CFAP157: variants seen among roughly 807,000 people sequenced by gnomAD.
The protein encoded by CFAP157 is cilia and flagella associated protein 157, also known as cilia- and flagella-associated protein 157.
Under a neutral mutation model 57.8 loss-of-function variants are expected in CFAP157, and 43 were observed. The observed-to-expected ratio is 0.74, with a 90% CI of 0.58 to 0.96. The LOEUF (loss-of-function observed/expected upper bound fraction) is 0.96, where lower values mean the gene tolerates loss of function less well. Ranked by LOEUF, CFAP157 falls within the 40% of genes least tolerant of loss-of-function variation. The pLI, the probability that CFAP157 is intolerant of heterozygous loss-of-function variation, is 0.00. For missense variants in CFAP157, 606 were observed against 655.3 expected, an observed-to-expected ratio of 0.92 and a Z score of 0.82; for synonymous variants, 267 against 269.0, an observed-to-expected ratio of 0.99 and a Z score of 0.07.
At chr9:127,707,333 C>A in intron 1 of CFAP157, 141 bp downstream of exon 1, 1 of 790,530 alleles carries the variant, frequency 1.3e-6, no homozygotes, top group Non-Finnish European at 1.9e-6. Context: ...CCGACCCCAG[C>A]CTCATTTCCT....
chr9:127,712,084 G>A, intron 5 of CFAP157, 115 bp from the exon 6 acceptor site: 1 of 1,507,416 alleles, frequency 6.6e-7, no homozygotes, highest in Non-Finnish European at 8.9e-7. Flanking sequence ...GCTGAGGCTT[G>A]GGGCGGGATG....
chr9:127,713,415 G>C, intron 8 of CFAP157: 1 of 496,360 alleles, frequency 2.0e-6, no homozygotes, highest in Non-Finnish European at 3.5e-6. Flanking sequence ...GGGTTGGCTG[G>C]ACCCTGTTCT....
At chr9:127,713,746 A>G in intron 8 of CFAP157, 88 bp from the exon 9 acceptor site, 2 of 1,088,946 alleles carry the variant, frequency 1.8e-6, no homozygotes, top group Non-Finnish European at 2.8e-6. Context: ...ACGTCAAGCA[A>G]TCCCCCAGCC....
In CFAP157 at chr9:127,709,764, T is replaced by C. The variant is rs1842721860; in HGVS notation, c.433+71T>C. On this transcript the variant is annotated intron_variant, in intron 2 of 8. Coordinates refer to ENST00000373295, the MANE Select transcript of CFAP157 (RefSeq NM_001012502.3). The surrounding 1 kb of genome is among the most constrained non-coding windows in gnomAD (Gnocchi z 4.7). Reference sequence around the variant, plus strand: ...TCTATCACTGACCCTGTTTCTCACCTGGGAAACAGGGATAATAGCCACATG... The same window carrying C: ...TCTATCACTGACCCTGTTTCTCACCCGGGAAACAGGGATAATAGCCACATG... 6.6e-7 allele frequency: 1 copy of C among 1,508,422 alleles called. No individual in the cohort carries two copies. The highest frequency in any genetic ancestry group is 1.4e-5 in the African/African-American group (1 of 72,146). The allele number at this position is 1,508,422 out of a possible 1,614,324, so 93.4% of individuals were successfully genotyped here.
chr9:127,707,284 C>G, intron 1 of CFAP157, 92 bp downstream of exon 1: 1 of 1,417,176 alleles, frequency 7.1e-7, no homozygotes, highest in Non-Finnish European at 9.6e-7. Context: ...GGGCCTTAGG[C>G]CTGTGTTCTG....
Position 127,709,465 on chromosome 9 carries a change from T to G in CFAP157, c.205T>G (p.Phe69Val). Residue 69 changes from phenylalanine (F) to valine (V), a missense_variant, in exon 2 of 9, where the codon TTC becomes GTC. Phe to Val is a conservative substitution (Grantham distance 50). Transcript: ENST00000373295. This position sits in a 1 kb window ranked among gnomAD's most constrained non-coding sequence, Gnocchi z 4.7. ...TGAGCTGGCTGTGCAGGAGAAGATG[T>G]TCCGCCAGGAGTTTGAGCAGCTGGC... ...WDELAVQEKM[F>V]RQEFEQLANN... 6.2e-7 allele frequency: 1 copy of G among 1,613,956 alleles called. No homozygotes were observed.
At position 127,709,451 on chromosome 9, in the gene CFAP157, T is replaced by C. The variant is rs1359398427; in HGVS notation, c.191T>C (p.Val64Ala). 5.0e-6 allele frequency: 8 copies of C among 1,613,666 alleles called. No individual in the cohort carries two copies. The Admixed American group carries it at 8.3e-5, about 17-fold the overall frequency. ...RYQRKWDELA[V>A]QEKMFRQEFE... ...CAGCGGAAGTGGGATGAGCTGGCTG[T>C]GCAGGAGAAGATGTTCCGCCAGGAG... The change falls in exon 2 of 9, where the codon GTG (valine) becomes GCG (alanine). Residue 64 changes from valine to alanine, a missense_variant. Physicochemically the swap from Val to Ala is moderately conservative, Grantham distance 64. Coordinates refer to ENST00000373295, the MANE Select transcript of CFAP157 (RefSeq NM_001012502.3). The surrounding 1 kb of genome is among the most constrained non-coding windows in gnomAD (Gnocchi z 4.7).
Position 127,714,363 on chromosome 9 carries a change from A to G in CFAP157, c.*458A>G, listed in dbSNP as rs141882314. ...GGCCCACCCGACCCAGTTGCACAAC[A>G]AAAGGGTAGACTCACATTGGAGTTG... On this transcript the variant is annotated 3_prime_UTR_variant, in exon 9 of 9. Transcript: ENST00000373295. 2.5e-6 allele frequency: 4 copies of G among 1,614,210 alleles called. No individual in the cohort carries two copies. In the African/African-American group the frequency reaches 4.0e-5, roughly 16 times the overall value.
Position 127,713,020 on chromosome 9 carries a change from C to T in CFAP157, c.1305C>T (p.Ser435=), listed in dbSNP as rs1205584179. The part of the protein sequence containing the change: ...ESQSHGPPKE[S]RPSIQLPRTG... ...GTGACCCTCGGCCCCCTCCCCACAG[C>T]CGGCCCAGCATCCAGCTGCCCAGGA... Residue 435 remains serine (S), a splice_region_variant and synonymous_variant, in exon 8 of 9, where the codon AGC becomes AGT. Coordinates refer to ENST00000373295, the MANE Select transcript of CFAP157 (RefSeq NM_001012502.3). 2 of 1,612,654 alleles carry T rather than the reference C, an allele frequency of 1.2e-6. No individual in the cohort carries two copies. The highest frequency in any genetic ancestry group is 1.3e-5 in the African/African-American group (1 of 75,028).
At position 127,715,895 on chromosome 9, in the gene CFAP157, GGCCTTGTTATGCCCCCC is replaced by G. The variant is rs1005589352; in HGVS notation, c.*1993_*2009del. ...GCTCTTGCTTGACCTTCGGTTGGGA[GGCCTTGTTATGCCCCCC>G]GCTATGGCCCTGACTTGCGGCGAAA... On this transcript the variant is annotated 3_prime_UTR_variant, in exon 9 of 9. Coordinates refer to ENST00000373295, the MANE Select transcript of CFAP157 (RefSeq NM_001012502.3). This position sits in a 1 kb window ranked among gnomAD's most constrained non-coding sequence, Gnocchi z 5.8. 6.3e-6 allele frequency: 5 copies of G among 797,754 alleles called. No homozygotes were observed. Among genetic ancestry groups the G allele is most frequent in the Non-Finnish European group, 7.8e-6 (4 of 514,450 alleles). The allele number at this position is 797,754 out of a possible 1,614,324, so 49.4% of individuals were successfully genotyped here. A position where few individuals can be genotyped will look rare whatever the true frequency, so the allele number is the denominator to read the frequency against.
In CFAP157 at chr9:127,709,623, G is replaced by A. The variant is rs963690829; in HGVS notation, c.363G>A (p.Ala121=). ...AKEMEKDAFE[A]QLAQVRHEFQ... ...AGATGGAGAAGGATGCCTTCGAGGC[G>A]CAGCTGGCCCAGGTGCGCCACGAGT... Residue 121 remains alanine (A), a synonymous_variant, in exon 2 of 9, where the codon GCG becomes GCA. Coordinates refer to ENST00000373295, the MANE Select transcript of CFAP157 (RefSeq NM_001012502.3). This position sits in a 1 kb window ranked among gnomAD's most constrained non-coding sequence, Gnocchi z 4.7. 1.2e-5 allele frequency: 19 copies of A among 1,613,738 alleles called. No individual in the cohort carries two copies. Among genetic ancestry groups the A allele is most frequent in the South Asian group, 7.7e-5 (7 of 91,088 alleles).
intron 1 of CFAP157, 128 bp downstream of exon 1, chr9:127,707,320 A>G: frequency 2.1e-6 from 2 of 945,472 alleles, no homozygotes; most frequent in Non-Finnish European, 3.1e-6. Flanking sequence ...TCCAGACCCC[A>G]TCCCGACCCC....
rs963548467 is a variant in CFAP157, at chr9:127,709,769, A to C, written c.433+76A>C. On this transcript the variant is annotated intron_variant, in intron 2 of 8. Coordinates refer to ENST00000373295, the MANE Select transcript of CFAP157 (RefSeq NM_001012502.3). The surrounding 1 kb of genome is among the most constrained non-coding windows in gnomAD (Gnocchi z 4.7). ...CACTGACCCTGTTTCTCACCTGGGAAACAGGGATAATAGCCACATGCTGCT... is the reference window on the plus strand; with the variant it reads ...CACTGACCCTGTTTCTCACCTGGGACACAGGGATAATAGCCACATGCTGCT... 41 of 1,477,612 alleles carry C rather than the reference A, an allele frequency of 2.8e-5. No individual in the cohort carries two copies. Among genetic ancestry groups the C allele is most frequent in the Non-Finnish European group, 3.6e-5 (39 of 1,087,346 alleles). The allele number at this position is 1,477,612 out of a possible 1,614,324, so 91.5% of individuals were successfully genotyped here.
chr9:127,715,795 C>A lies in CFAP157; in HGVS notation c.*1890C>A. On this transcript the variant is annotated 3_prime_UTR_variant, in exon 9 of 9. Coordinates refer to ENST00000373295, the MANE Select transcript of CFAP157 (RefSeq NM_001012502.3). The surrounding 1 kb of genome is among the most constrained non-coding windows in gnomAD (Gnocchi z 5.8). The stretch of plus-strand genomic sequence containing the variant: ...GGGGCGGAAGCGGCGAGGCGGTGGC[C>A]GAGTCCGGGAACCCAGGCGCCTTCA... The A allele has an allele frequency of 6.9e-7, 1 of 1,443,516 alleles. No individual in the cohort carries two copies. The highest frequency in any genetic ancestry group is 1.3e-5 in the South Asian group (1 of 77,960). 89.4% of individuals were successfully genotyped at this position (1,443,516 alleles called of 1,614,324 possible).
intron 1 of CFAP157, among the ~76,000 whole-genome samples, chr9:127,707,683 G>A (rs2131583246): frequency 6.6e-6 from 1 of 152,328 alleles, no homozygotes; most frequent in East Asian, 1.9e-4. Context: ...CTCCATGGCT[G>A]TGACATTCTA....
rs749581045 is a variant in CFAP157 at position 127,715,652 on chromosome 9, C to CCG, written c.*1747_*1748insCG. The CCG allele has an allele frequency of 2.1e-5, 33 of 1,609,210 alleles. No individual in the cohort carries two copies. Among genetic ancestry groups the CCG allele is most frequent in the Non-Finnish European group, 2.5e-5 (30 of 1,179,198 alleles). ...CGCCCGGCCTCATGCTGCCCCCATTCACTCCGACACCGCCCCCTGACGTCA... is the reference window on the plus strand; with the variant it reads ...CGCCCGGCCTCATGCTGCCCCCATTCCGACTCCGACACCGCCCCCTGACGTCA... On this transcript the variant is annotated 3_prime_UTR_variant, in exon 9 of 9. Coordinates refer to ENST00000373295, the MANE Select transcript of CFAP157 (RefSeq NM_001012502.3). This position sits in a 1 kb window ranked among gnomAD's most constrained non-coding sequence, Gnocchi z 5.8.
chr9:127,713,698 G>C, intron 8 of CFAP157, 136 bp from the exon 9 acceptor site: 1 of 646,196 alleles, frequency 1.5e-6, no homozygotes, highest in Non-Finnish European at 2.8e-6. Context: ...GTAGAGACAG[G>C]GTTTCACCAT....
At chr9:127,712,477 C>G in intron 6 of CFAP157, 128 bp downstream of exon 6, 1 of 1,453,890 alleles carries the variant, frequency 6.9e-7, no homozygotes, top group African/African-American at 1.4e-5. Flanking sequence ...CCTGGAAAGT[C>G]TGTCCTTCGC....
chr9:127,709,543 G>T lies in CFAP157; in HGVS notation c.283G>T (p.Val95Leu). The change falls in exon 2 of 9, where the codon GTG (valine) becomes TTG (leucine). Residue 95 changes from valine to leucine, a missense_variant. Coordinates refer to ENST00000373295, the MANE Select transcript of CFAP157 (RefSeq NM_001012502.3). This position sits in a 1 kb window ranked among gnomAD's most constrained non-coding sequence, Gnocchi z 4.7. ...AFLKRTLNQQ[V>L]DEITDLNEQL... ...CCTCAAGCGCACGCTCAACCAGCAGGTGGATGAGATCACAGACCTCAACGA... is the reference window on the plus strand; with the variant it reads ...CCTCAAGCGCACGCTCAACCAGCAGTTGGATGAGATCACAGACCTCAACGA... 1 of 1,614,138 alleles carries T rather than the reference G, an allele frequency of 6.2e-7. No homozygotes were observed. Among genetic ancestry groups the T allele is most frequent in the Non-Finnish European group, 8.5e-7 (1 of 1,180,042 alleles).
Sources: gnomAD v4.1 joint callset for allele counts (sites outside exome capture counted in the v4.1 genomes callset) on GRCh38, gnomAD v4.1.1 for gene constraint, Gnocchi (gnomAD v3.1) non-coding constraint, MANE v1.5 for transcripts, NCBI Gene and HGNC (gene_info 2026-07-23, HGNC 2026-07-21) for gene names.